Variants in FAN1 observed in about 807,000 individuals in gnomAD.
FAN1 encodes the protein FANCD2 and FANCI associated nuclease 1.
FAN1 carries 91 observed loss-of-function variants against 104.9 expected under a neutral mutation model. The observed-to-expected ratio is 0.87, with a 90% CI of 0.73 to 1.03. The LOEUF is 1.03. FAN1 is among the 50% of genes least tolerant of loss of function. FAN1 has a pLI of 0.00. For synonymous variants in FAN1, 478 were observed against 457.6 expected (o/e 1.04, Z -0.57); for missense variants, 1,263 against 1,239.9 (o/e 1.02, Z -0.28).
At chr15:30,933,631 A>G (rs367665406) in intron 13 of FAN1, among the ~76,000 whole-genome samples, 1 of 152,208 alleles carries the variant, frequency 6.6e-6, no homozygotes, top group East Asian at 1.9e-4. Context: ...AATGTCAATT[A>G]GGTCAAGTTG....
In FAN1 at chr15:30,930,598, C is replaced by T; in HGVS notation, c.2843C>T (p.Ala948Val). 5.6e-6 allele frequency: 9 copies of T among 1,612,972 alleles called. No homozygotes were observed. Among genetic ancestry groups the T allele is most frequent in the Non-Finnish European group, 7.6e-6 (9 of 1,179,578 alleles). The change falls in exon 13 of 15, where the codon GCT (alanine) becomes GTT (valine). Residue 948 changes from alanine (A) to valine (V), a missense_variant. Physicochemically the swap from Ala to Val is moderately conservative, Grantham distance 64. Around this residue, in one of 2 missense-constraint regions of FAN1, gnomAD observed 581 missense variants for 668.8 expected, o/e 0.87. Coordinates refer to ENST00000362065, the MANE Select transcript of FAN1 (RefSeq NM_014967.5). The stretch of plus-strand genomic sequence containing the variant: ...CTCAGTGGTGTGTGCAGGCACCTGG[C>T]TGCTGACTTTCGACACTGTCGAGGG... ...PVLSGVCRHL[A>V]ADFRHCRGGL...
At chr15:30,925,760 T>A (rs1302845068) in intron 9 of FAN1, 29 bp from the exon 10 acceptor site, 1 of 1,612,990 alleles carries the variant, frequency 6.2e-7, no homozygotes, top group African/African-American at 1.3e-5. Context: ...GACCTGAGGC[T>A]AATAGATGTT....
At chr15:30,929,574 A>G (rs1019301460) in intron 12 of FAN1, among the ~76,000 whole-genome samples, 177 bp downstream of exon 12, 8 of 126,230 alleles carry the variant, frequency 6.3e-5, no homozygotes, top group African/African-American at 8.7e-5. Context: ...TCTTTATTAT[A>G]TTTATTATAT....
Position 30,905,739 on chromosome 15 carries a change from AG to A in FAN1, c.1080del (p.Ser361GlnfsTer23). On this transcript the variant is annotated frameshift_variant, in exon 2 of 15. Coordinates refer to ENST00000362065, the MANE Select transcript of FAN1 (RefSeq NM_014967.5). LOFTEE classifies it high-confidence loss of function. The stretch of plus-strand genomic sequence containing the variant: ...ATCCCTCACAGCATTCCTTTGGAGC[AG>A]GGGTCAAGCTGCAATGGTCCTGGTC... ...NDIPHSIPLE[Q>X]GSSCNGPGQT... is the part of the protein sequence containing the mutation. 6.2e-7 allele frequency: 1 copy of A among 1,614,226 alleles called. No individual in the cohort carries two copies. The highest frequency in any genetic ancestry group is 8.5e-7 in the Non-Finnish European group (1 of 1,180,028).
chr15:30,910,959 A>G lies in FAN1; in HGVS notation c.1577+144A>G, dbSNP rs553371105. 4.4e-6 allele frequency: 6 copies of G among 1,360,968 alleles called. No homozygotes were observed. The African/African-American group carries it at 7.4e-5, about 17-fold the overall frequency. 84.3% of individuals were successfully genotyped at this position (1,360,968 alleles called of 1,614,324 possible). Reference sequence around the variant, plus strand: ...GAAGGCTGGAAAAGCCTTAATTGCAATAGCCTGGATTCTTTCTTGGGTTAT... The same window carrying G: ...GAAGGCTGGAAAAGCCTTAATTGCAGTAGCCTGGATTCTTTCTTGGGTTAT... On this transcript the variant is annotated intron_variant, in intron 4 of 14. Transcript: ENST00000362065.
chr15:30,927,288 G>C, intron 10 of FAN1: 1 of 985,468 alleles, frequency 1.0e-6, no homozygotes, highest in Non-Finnish European at 1.2e-6. Flanking sequence ...CACCAGGACG[G>C]AACACTGACT....
Position 30,905,039 on chromosome 15 carries a change from A to G in FAN1, c.376A>G (p.Ser126Gly). The G allele has an allele frequency of 6.2e-7, 1 of 1,614,100 alleles. No individual in the cohort carries two copies. Among genetic ancestry groups the G allele is most frequent in the Non-Finnish European group, 8.5e-7 (1 of 1,180,022 alleles). Reference sequence around the variant, plus strand: ...AAAAAGGGAAGTAAAGCAGAAGATCAGTCCCTACTTTAAAAGTAATGATGT... The same window carrying G: ...AAAAAGGGAAGTAAAGCAGAAGATCGGTCCCTACTTTAAAAGTAATGATGT... Reference protein sequence around the residue: ...SAKREVKQKISPYFKSNDVVC... With the variant: ...SAKREVKQKIGPYFKSNDVVC... The change falls in exon 2 of 15, where the codon AGT becomes GGT. Residue 126 changes from serine (S) to glycine (G), a missense_variant. By Grantham distance (56) the Ser-to-Gly change is moderately conservative. Coordinates refer to ENST00000362065, the MANE Select transcript of FAN1 (RefSeq NM_014967.5).
chr15:30,940,986 TG>T (rs1420483006), intron 14 of FAN1: 58 of 1,133,676 alleles, frequency 5.1e-5, no homozygotes, highest in Non-Finnish European at 6.3e-5. Context: ...CCCAGAACAC[TG>T]AACCTTCATC....
Position 30,943,018 on chromosome 15 carries a change from G to A in FAN1, c.*1456G>A, listed in dbSNP as rs1178392598. ...TGGAGAGACCAGTCCCAAACAGAGG[G>A]GAATTTTAAGCCCTTCTCATCACCC... is the stretch of plus-strand genomic sequence containing the variant. On this transcript the variant is annotated 3_prime_UTR_variant, in exon 15 of 15. Transcript: ENST00000362065. 1 of 1,551,298 alleles carries A rather than the reference G, an allele frequency of 6.4e-7. No individual in the cohort carries two copies. The highest frequency in any genetic ancestry group is 2.4e-5 in the East Asian group (1 of 40,954).
At chr15:30,941,374 T>C in intron 14 of FAN1, 192 bp from the exon 15 acceptor site, 3 of 1,538,234 alleles carry the variant, frequency 2.0e-6, no homozygotes, top group African/African-American at 1.4e-5. Context: ...TTCTTACATA[T>C]AAAGTTATTA....
At chr15:30,926,866 G>A (rs1485606917) in intron 10 of FAN1, 30 of 985,276 alleles carry the variant, frequency 3.0e-5, no homozygotes, top group South Asian at 9.4e-5. Context: ...AATCGATGCC[G>A]TGAAACTGGG....
At chr15:30,927,245 G>T in intron 10 of FAN1, 1 of 985,530 alleles carries the variant, frequency 1.0e-6, no homozygotes, top group South Asian at 4.7e-5. Context: ...AAATGATCTG[G>T]CCTTTATATT....
intron 5 of FAN1, among the ~76,000 whole-genome samples, chr15:30,915,844 AC>A (rs1382751903): frequency 4.6e-5 from 7 of 152,316 alleles, no homozygotes; most frequent in East Asian, 1.9e-4. Context: ...CTTAAAAAAA[AC>A]ACCTTTGGTA....
chr15:30,928,034 C>G (rs1195294629), intron 10 of FAN1: 1 of 990,052 alleles, frequency 1.0e-6, no homozygotes, highest in Non-Finnish European at 1.2e-6. Context: ...AGTGTAGTAC[C>G]CAGGGGGATG....
intron 7 of FAN1, 112 bp from the exon 8 acceptor site, chr15:30,922,123 A>G: frequency 7.4e-7 from 1 of 1,356,314 alleles, no homozygotes; most frequent in Non-Finnish European, 1.0e-6. Context: ...TCATTGTAGA[A>G]TGGAAAGATA....
chr15:30,933,777 T>C (rs1036093807), intron 13 of FAN1, among the ~76,000 whole-genome samples: 1 of 152,000 alleles, frequency 6.6e-6, no homozygotes, highest in African/African-American at 2.4e-5. Flanking sequence ...TTTTGTTTTT[T>C]GAGACAGACT....
At position 30,941,552 on chromosome 15, in the gene FAN1, C is replaced by T; in HGVS notation, c.*4-14C>T. ...TTTGCTTAATGGTGTTCCTAAAATG[C>T]TTCGTCTGCACAGATTCCCTACAGG... On this transcript the variant is annotated splice_polypyrimidine_tract_variant and intron_variant, in intron 14 of 14. Coordinates refer to ENST00000362065, the MANE Select transcript of FAN1 (RefSeq NM_014967.5). 1 of 1,604,790 alleles carries T rather than the reference C, an allele frequency of 6.2e-7. No homozygotes were observed.
chr15:30,941,784 C>T lies in FAN1; in HGVS notation c.*222C>T, dbSNP rs974886042. The T allele has an allele frequency of 5.0e-6, 8 of 1,614,010 alleles. No individual in the cohort carries two copies. The highest frequency in any genetic ancestry group is 1.6e-4 in the Middle Eastern group (1 of 6,062). On this transcript the variant is annotated 3_prime_UTR_variant, in exon 15 of 15. Coordinates refer to ENST00000362065, the MANE Select transcript of FAN1 (RefSeq NM_014967.5). ...AGCTTGTGAAAGGCTGTGATGGAGC[C>T]ACCCAGGCTGATCTGGGCCTCGGGA... is the stretch of plus-strand genomic sequence containing the variant.
intron 4 of FAN1, among the ~76,000 whole-genome samples, chr15:30,912,061 CAAAA>C (rs34122129): frequency 1.3e-4 from 18 of 133,634 alleles, no homozygotes; most frequent in East Asian, 2.2e-4. Context: ...GACTCCATCT[CAAAA>C]AAAAAAAAAA....
Sources: allele counts gnomAD v4.1 joint callset (sites outside exome capture counted in the v4.1 genomes callset), GRCh38; gene constraint gnomAD v4.1.1; regional missense constraint gnomAD v4.1.1; transcripts MANE v1.5; gene names NCBI Gene and HGNC (gene_info 2026-07-23, HGNC 2026-07-21).